Variants in ITGBL1 observed in about 807,000 individuals in gnomAD.
ITGBL1 encodes the protein integrin subunit beta like 1, also known as integrin beta-like protein 1.
Under a neutral mutation model 68.5 loss-of-function variants are expected in ITGBL1, and 51 were observed. The ratio of observed to expected loss-of-function variants is 0.74; its 90% confidence interval spans 0.59 to 0.94. The LOEUF (loss-of-function observed/expected upper bound fraction) is 0.94, where lower values mean the gene tolerates loss of function less well. Among genes scored for constraint, ITGBL1 ranks in the 40% least tolerant of loss-of-function variants. The probability of loss-of-function intolerance (pLI) is 0.00; values close to 1 mark genes in which losing one functional copy is unlikely to be tolerated. For missense variants in ITGBL1, 649 were observed against 647.4 expected (o/e 1.00, Z -0.03); for synonymous variants, 209 against 227.3 (o/e 0.92, Z 0.72).
At chr13:101,581,254 C>G (rs2050452866) in intron 5 of ITGBL1, among the ~76,000 whole-genome samples, 1 of 152,140 alleles carries the variant, frequency 6.6e-6, no homozygotes, top group Admixed American at 6.6e-5. Context: ...TGAGAAGCTG[C>G]TTCTTCGTCA....
intron 7 of ITGBL1, among the ~76,000 whole-genome samples, chr13:101,681,564 T>C (rs949957494): frequency 5.3e-5 from 8 of 152,176 alleles, no homozygotes; most frequent in African/African-American, 1.7e-4. Flanking sequence ...GTCTTGTTCG[T>C]CTTCTTGTCT....
At chr13:101,652,823 T>C (rs1159191290) in intron 7 of ITGBL1, among the ~76,000 whole-genome samples, 1 of 151,748 alleles carries the variant, frequency 6.6e-6, no homozygotes, top group Non-Finnish European at 1.5e-5. Context: ...AGCGGCCGGG[T>C]GTGGTGGCTC....
chr13:101,481,919 G>A (rs538165581), intron 2 of ITGBL1, among the ~76,000 whole-genome samples: 9 of 152,024 alleles, frequency 5.9e-5, no homozygotes, highest in South Asian at 2.1e-4. Context: ...AATATTTATC[G>A]TACCTGGGAG....
chr13:101,507,079 G>A (rs1354462362), intron 2 of ITGBL1, among the ~76,000 whole-genome samples: 1 of 152,184 alleles, frequency 6.6e-6, no homozygotes, highest in Non-Finnish European at 1.5e-5. Context: ...AATACATGTA[G>A]AGAAGATTCC....
intron 2 of ITGBL1, among the ~76,000 whole-genome samples, chr13:101,492,005 G>A (rs1030391661): frequency 6.6e-6 from 1 of 152,104 alleles, no homozygotes; most frequent in Non-Finnish European, 1.5e-5. Flanking sequence ...GTGTATATGT[G>A]CCATATTTTC....
intron 7 of ITGBL1, 125 bp downstream of exon 7, chr13:101,598,424 TA>T: frequency 9.9e-6 from 7 of 707,602 alleles, no homozygotes; most frequent in Non-Finnish European, 1.2e-5. Context: ...TTTTGTTTTT[TA>T]TTTTTTTATT....
chr13:101,660,557 A>G (rs2033056223), intron 7 of ITGBL1, among the ~76,000 whole-genome samples: 1 of 152,228 alleles, frequency 6.6e-6, no homozygotes, highest in Admixed American at 6.5e-5. Context: ...CTATGTTTGC[A>G]TCTTAGCAGA....
chr13:101,571,802 G>T (rs2050277498), intron 3 of ITGBL1, among the ~76,000 whole-genome samples: 1 of 151,894 alleles, frequency 6.6e-6, no homozygotes, highest in Non-Finnish European at 1.5e-5. Context: ...ATAATCTCCT[G>T]GAATTCACTC....
chr13:101,497,882 G>A (rs1250311370), intron 2 of ITGBL1, among the ~76,000 whole-genome samples: 4 of 148,822 alleles, frequency 2.7e-5, no homozygotes, highest in African/African-American at 9.9e-5. Flanking sequence ...TTACCTTTTC[G>A]GGCCACTACA....
chr13:101,534,728 G>T (rs1283610342), intron 2 of ITGBL1, among the ~76,000 whole-genome samples: 1 of 152,106 alleles, frequency 6.6e-6, no homozygotes, highest in Non-Finnish European at 1.5e-5. Context: ...GTTGAAAGAA[G>T]GTGTTGGAGG....
At chr13:101,654,347 T>C (rs1341033466) in intron 7 of ITGBL1, among the ~76,000 whole-genome samples, 1 of 152,186 alleles carries the variant, frequency 6.6e-6, no homozygotes, top group East Asian at 1.9e-4. Flanking sequence ...GGCTGCTATG[T>C]GGTGGATGCC....
At chr13:101,554,935 A>T (rs532348400) in intron 2 of ITGBL1, among the ~76,000 whole-genome samples, 12 of 152,340 alleles carry the variant, frequency 7.9e-5, no homozygotes, top group African/African-American at 2.9e-4. Flanking sequence ...GTCTTCCCCC[A>T]GGCAGTGACT....
intron 2 of ITGBL1, among the ~76,000 whole-genome samples, chr13:101,506,237 C>A (rs1312401065): frequency 6.6e-6 from 1 of 152,054 alleles, no homozygotes; most frequent in Non-Finnish European, 1.5e-5. Flanking sequence ...TGATTTAGGA[C>A]AAAAGACCAG....
intron 7 of ITGBL1, among the ~76,000 whole-genome samples, chr13:101,640,723 C>T (rs182021429): frequency 6.6e-6 from 1 of 152,206 alleles, no homozygotes; most frequent in African/African-American, 2.4e-5. Context: ...TATCCCATCA[C>T]CCAGGCAAAG....
chr13:101,597,269 G>T (rs1329337159), intron 6 of ITGBL1, among the ~76,000 whole-genome samples: 3 of 151,974 alleles, frequency 2.0e-5, no homozygotes, highest in African/African-American at 4.8e-5. Flanking sequence ...TACTCTCTCT[G>T]ATATTGTTTG....
intron 2 of ITGBL1, among the ~76,000 whole-genome samples, chr13:101,537,991 A>C (rs367744760): frequency 3.9e-5 from 6 of 152,200 alleles, no homozygotes; most frequent in Admixed American, 3.3e-4. Flanking sequence ...TCTCACACTA[A>C]TTAAAGCTTA....
chr13:101,638,309 C>G (rs1036285569), intron 7 of ITGBL1, among the ~76,000 whole-genome samples: 2 of 151,958 alleles, frequency 1.3e-5, no homozygotes, highest in Non-Finnish European at 1.5e-5. Context: ...CCATAAGGGA[C>G]AGCACTTGAA....
At chr13:101,671,436 T>G (rs1566784454) in intron 7 of ITGBL1, among the ~76,000 whole-genome samples, 6 of 57,284 alleles carry the variant, frequency 1.0e-4, no homozygotes, top group South Asian at 1.1e-3. Context: ...GTTTTTTTTT[T>G]GTTTTTTTTT....
intron 2 of ITGBL1, among the ~76,000 whole-genome samples, chr13:101,545,272 A>G (rs187554414): frequency 4.8e-4 from 73 of 152,332 alleles, no homozygotes; most frequent in African/African-American, 1.7e-3. Flanking sequence ...AAAAGTAAAA[A>G]TACTCTAAGA....
Sources: gnomAD v4.1 joint callset for allele counts (sites outside exome capture counted in the v4.1 genomes callset) on GRCh38, gnomAD v4.1.1 for gene constraint, MANE v1.5 for transcripts, NCBI Gene and HGNC (gene_info 2026-07-23, HGNC 2026-07-21) for gene names.